Variants in DSCAM observed in about 807,000 individuals in gnomAD.
DSCAM encodes DS cell adhesion molecule.
In DSCAM, 47 loss-of-function variants were observed where a neutral mutation model predicts 217.7. The observed-to-expected ratio is 0.22, with a 90% CI of 0.17 to 0.28. The LOEUF is 0.28. Among genes scored for constraint, DSCAM ranks in the 10% least tolerant of loss-of-function variants. The pLI, the probability that DSCAM is intolerant of heterozygous loss-of-function variation, is 1.00. For synonymous variants in DSCAM, 1,056 were observed against 1,015.3 expected (o/e 1.04, Z -0.76); for missense variants, 2,080 against 2,618.3 (o/e 0.79, Z 4.49).
rs2074464201 is a variant in DSCAM at position 40,339,377 on chromosome 21, C to T, written c.1249G>A (p.Val417Met). ...PKIISAFSEKVVSPAEPVSLM... is the reference protein window; with the variant it reads ...PKIISAFSEKMVSPAEPVSLM... ...GAAACCGGCTCTGCTGGACTCACCA[C>T]CTTTTCACTAAAGGCAGAAATAATT... Residue 417 changes from valine to methionine, a missense_variant, in exon 7 of 33, where the codon GTG becomes ATG. Physicochemically the swap from Val to Met is conservative, Grantham distance 21. Coordinates refer to ENST00000400454, the MANE Select transcript of DSCAM (RefSeq NM_001389.5). 1.2e-6 allele frequency: 2 copies of T among 1,611,296 alleles called. No individual in the cohort carries two copies. Among genetic ancestry groups the T allele is most frequent in the Non-Finnish European group, 1.7e-6 (2 of 1,178,552 alleles).
At chr21:40,033,454 G>A (rs1222508297) in intron 32 of DSCAM, among the ~76,000 whole-genome samples, 19 of 152,152 alleles carry the variant, frequency 1.2e-4, no homozygotes, top group Non-Finnish European at 1.5e-5. Context: ...CCCGAATACT[G>A]CGCTTTTCTG....
chr21:40,128,450 G>T (rs1428393469), intron 19 of DSCAM, among the ~76,000 whole-genome samples: 1 of 151,962 alleles, frequency 6.6e-6, no homozygotes, highest in African/African-American at 2.4e-5. Flanking sequence ...GCTTGTTCAG[G>T]TATCATTGAG....
chr21:40,064,091 C>T (rs2089168812), intron 27 of DSCAM, among the ~76,000 whole-genome samples: 1 of 151,742 alleles, frequency 6.6e-6, no homozygotes, highest in Non-Finnish European at 1.5e-5. Context: ...TTTCCTCTTT[C>T]CCTGAATGAT....
chr21:40,752,168 G>GT (rs1486606292), intron 1 of DSCAM, among the ~76,000 whole-genome samples: 7 of 152,176 alleles, frequency 4.6e-5, no homozygotes, highest in African/African-American at 1.7e-4. Flanking sequence ...AAGCCACATG[G>GT]TTTTATTATA....
chr21:40,356,832 T>C (rs2074698718), intron 4 of DSCAM, among the ~76,000 whole-genome samples: 1 of 152,246 alleles, frequency 6.6e-6, no homozygotes. Flanking sequence ...GGAAGACTTC[T>C]TTAAGAGGCT....
At chr21:40,227,895 C>T (rs1283569580) in intron 11 of DSCAM, among the ~76,000 whole-genome samples, 1 of 152,102 alleles carries the variant, frequency 6.6e-6, no homozygotes, top group African/African-American at 2.4e-5. Flanking sequence ...TACCTAATGT[C>T]CCTGGTTTGT....
chr21:40,779,827 C>T (rs1249717286), intron 1 of DSCAM, among the ~76,000 whole-genome samples: 7 of 152,146 alleles, frequency 4.6e-5, no homozygotes, highest in Non-Finnish European at 1.5e-5. Flanking sequence ...GCCCATGTGG[C>T]CACTGCATAG....
At chr21:40,273,316 C>G (rs1039897073) in intron 11 of DSCAM, among the ~76,000 whole-genome samples, 1 of 152,174 alleles carries the variant, frequency 6.6e-6, no homozygotes, top group African/African-American at 2.4e-5. Context: ...CTAATACAAA[C>G]AGTCATGAAG....
At position 40,677,775 on chromosome 21, in the gene DSCAM, C is replaced by A. The variant is rs186634104; in HGVS notation, c.508+15035G>T. On this transcript the variant is annotated intron_variant, in intron 3 of 32. Transcript: ENST00000400454. ...AAAAAGAGACCCCAGAGACACCATT[C>A]GCCTCTTCTGCCATGTGAGAAAATG... 2.0e-5 allele frequency among the ~76,000 whole-genome samples: 3 copies of A among 152,162 alleles called. No homozygotes were observed. In the East Asian group the frequency reaches 5.8e-4, roughly 29 times the overall value.
chr21:40,733,364 T>C (rs545820165), intron 1 of DSCAM, among the ~76,000 whole-genome samples: 7 of 152,340 alleles, frequency 4.6e-5, no homozygotes, highest in African/African-American at 7.2e-5. Context: ...AGACCTCACA[T>C]TGGAGAAGCG....
chr21:40,829,507 T>G (rs7283189), intron 1 of DSCAM, among the ~76,000 whole-genome samples: 3 of 152,006 alleles, frequency 2.0e-5, no homozygotes, highest in Non-Finnish European at 2.9e-5. Context: ...GCAGATAGGC[T>G]GGGGCTGTAT....
At chr21:40,080,043 A>C (rs376264645) in intron 25 of DSCAM, 109 bp downstream of exon 25, 2 of 1,075,034 alleles carry the variant, frequency 1.9e-6, no homozygotes, top group Non-Finnish European at 1.3e-6. Context: ...GAGGAATGAC[A>C]AAGTTCAAAC....
intron 32 of DSCAM, among the ~76,000 whole-genome samples, chr21:40,037,168 C>A (rs1285555780): frequency 1.3e-5 from 2 of 149,104 alleles, no homozygotes; most frequent in African/African-American, 2.6e-5. Context: ...CTGGCCAGGG[C>A]AATTAGGCAG....
At chr21:40,831,037 C>A (rs2837842) in intron 1 of DSCAM, among the ~76,000 whole-genome samples, 110,726 of 152,108 alleles carry the variant, frequency 0.73, 40,492 homozygotes, top group African/African-American at 0.78. Context: ...TTCATTAGAA[C>A]AGTATTCCAA....
rs139426794 is a variant in DSCAM, at chr21:40,400,518, C to T, written c.509-31273G>A. Among the ~76,000 whole-genome samples the T allele has an allele frequency of 2.9e-3, 440 of 151,764 alleles. 3 individuals carry two copies. Among genetic ancestry groups the T allele is most frequent in the African/African-American group, 9.7e-3 (400 of 41,426 alleles). On this transcript the variant is annotated intron_variant, in intron 3 of 32. Transcript: ENST00000400454. ...TGAGGTAAGTTTTTTTTCTTTCTTT[C>T]TTTTTAGACAGGGTCTGGGTTTCTT... is the stretch of plus-strand genomic sequence containing the variant.
intron 26 of DSCAM, among the ~76,000 whole-genome samples, chr21:40,077,307 A>T (rs150762211): frequency 2.3e-3 from 346 of 152,260 alleles, no homozygotes; most frequent in Middle Eastern, 0.01. Flanking sequence ...GCAGAGAAGG[A>T]TGTTGTGGAA....
chr21:40,739,661 C>T (rs1412196440), intron 1 of DSCAM, among the ~76,000 whole-genome samples: 1 of 152,116 alleles, frequency 6.6e-6, no homozygotes, highest in African/African-American at 2.4e-5. Context: ...CAGTCACATC[C>T]CGAGGTACTG....
At chr21:40,460,989 A>G (rs767412770) in intron 3 of DSCAM, among the ~76,000 whole-genome samples, 1 of 152,198 alleles carries the variant, frequency 6.6e-6, no homozygotes, top group Non-Finnish European at 1.5e-5. Flanking sequence ...ATGCAAGCTT[A>G]TTGATTTATA....
At chr21:40,554,407 T>C (rs1037128578) in intron 3 of DSCAM, among the ~76,000 whole-genome samples, 8 of 152,160 alleles carry the variant, frequency 5.3e-5, no homozygotes, top group Admixed American at 1.3e-4. Context: ...TGTTTTCCCC[T>C]GGCCAGTACC....
Sources: gnomAD v4.1 joint callset for allele counts (sites outside exome capture counted in the v4.1 genomes callset) on GRCh38, gnomAD v4.1.1 for gene constraint, MANE v1.5 for transcripts, NCBI Gene and HGNC (gene_info 2026-07-23, HGNC 2026-07-21) for gene names.